Variants in GPBP1L1 observed in about 807,000 individuals in gnomAD.
The protein encoded by GPBP1L1 is GC-rich promoter binding protein 1 like 1, also known as vasculin-like protein 1.
In GPBP1L1, 23 loss-of-function variants were observed where a neutral mutation model predicts 52.5. The ratio of observed to expected loss-of-function variants is 0.44; its 90% CI spans 0.32 to 0.62. The LOEUF (loss-of-function observed/expected upper bound fraction) is 0.62, where lower values mean the gene tolerates loss of function less well. GPBP1L1 is among the 20% of genes least tolerant of loss of function. The pLI is 0.06. For synonymous variants in GPBP1L1, 243 were observed against 203.1 expected, an observed-to-expected ratio of 1.20 and a Z score of -1.67; for missense variants, 596 against 579.3, an observed-to-expected ratio of 1.03 and a Z score of -0.30.
intron 4 of GPBP1L1, chr1:45,656,176 A>T (rs1258461727): frequency 6.6e-6 from 1 of 152,230 alleles, no homozygotes; most frequent in Admixed American, 6.5e-5. Flanking sequence ...ACACATAATG[A>T]AAGAGGTCAG....
chr1:45,656,196 A>G (rs982695065), intron 4 of GPBP1L1: 7 of 152,240 alleles, frequency 4.6e-5, no homozygotes, highest in Admixed American at 1.3e-4. Flanking sequence ...GAGAGAAAAA[A>G]TAAGTCTTTG....
chr1:45,636,362 G>A (rs1285558934), intron 8 of GPBP1L1, among the ~76,000 whole-genome samples: 1 of 152,030 alleles, frequency 6.6e-6, no homozygotes, highest in African/African-American at 2.4e-5. Flanking sequence ...AATTTCATTA[G>A]AAAAAGCAAT....
chr1:45,678,917 A>T (rs1453962614), intron 2 of GPBP1L1, among the ~76,000 whole-genome samples: 1 of 152,226 alleles, frequency 6.6e-6, no homozygotes, highest in Non-Finnish European at 1.5e-5. Flanking sequence ...AGAAACCTAA[A>T]CATATGCACT....
At chr1:45,668,230 T>C (rs1463966186) in intron 2 of GPBP1L1, among the ~76,000 whole-genome samples, 1 of 152,170 alleles carries the variant, frequency 6.6e-6, no homozygotes, top group Admixed American at 6.5e-5. Flanking sequence ...TGCAGAGAAA[T>C]GGTTGATGAA....
chr1:45,658,985 C>G (rs1344782927), intron 4 of GPBP1L1, 43 bp downstream of exon 4: 3 of 1,344,010 alleles, frequency 2.2e-6, no homozygotes, highest in Non-Finnish European at 3.2e-6. Context: ...ACCCCCAAAC[C>G]CTCTCATATT....
rs796900170 is a variant in GPBP1L1, at chr1:45,643,687, T to TTG, written c.478-1189_478-1188insCA. On this transcript the variant is annotated intron_variant, in intron 6 of 12. Transcript: ENST00000355105. Reference sequence around the variant, plus strand: ...TTTTTTTTTTTTTTTTTTTTTTTTTTGTGACAGAGTGTCACTCTGTTGCCC... The same window carrying TTG: ...TTTTTTTTTTTTTTTTTTTTTTTTTTTGGTGACAGAGTGTCACTCTGTTGCCC... Among the ~76,000 whole-genome samples the TTG allele has an allele frequency of 2.1e-4, 25 of 116,820 alleles. 3 individuals are homozygous for TTG. The South Asian group carries it at 5.9e-3, about 27-fold the overall frequency. The allele number at this position is 116,820 out of a possible 152,430, so 76.6% of individuals were successfully genotyped here.
At chr1:45,649,763 C>T (rs1349496798) in intron 6 of GPBP1L1, among the ~76,000 whole-genome samples, 2 of 152,136 alleles carry the variant, frequency 1.3e-5, no homozygotes, top group African/African-American at 2.4e-5. Context: ...ACCTCCCTAA[C>T]TTCTTTGAAG....
At position 45,628,115 on chromosome 1, in the gene GPBP1L1, GCTCT is replaced by G; in HGVS notation, c.*137_*140del. 1 of 832,620 alleles carries G rather than the reference GCTCT, an allele frequency of 1.2e-6. No homozygotes were observed. The highest frequency in any genetic ancestry group is 1.9e-6 in the Non-Finnish European group (1 of 527,220). 51.6% of individuals were successfully genotyped at this position (832,620 alleles called of 1,614,324 possible). On this transcript the variant is annotated 3_prime_UTR_variant, in exon 13 of 13. Coordinates refer to ENST00000355105, the MANE Select transcript of GPBP1L1 (RefSeq NM_021639.5). Reference sequence around the variant, plus strand: ...ATAACAAAAGCAAAACAAGCCAATTGCTCTCTCTTTGGGATATGATTATTTCCCT... The same window carrying G: ...ATAACAAAAGCAAAACAAGCCAATTGCTCTTTGGGATATGATTATTTCCCT...
chr1:45,665,743 T>TAAAA (rs949281797), intron 2 of GPBP1L1, among the ~76,000 whole-genome samples: 2 of 109,710 alleles, frequency 1.8e-5, no homozygotes, highest in Non-Finnish European at 3.6e-5. Context: ...GACGCCGTCT[T>TAAAA]AAAAAAAAAA....
intron 2 of GPBP1L1, among the ~76,000 whole-genome samples, chr1:45,662,243 G>A (rs890934779): frequency 6.6e-6 from 1 of 152,136 alleles, no homozygotes; most frequent in African/African-American, 2.4e-5. Flanking sequence ...AATCCTCTCA[G>A]AGACCTCAGC....
At chr1:45,630,791 A>G (rs761756082) in intron 10 of GPBP1L1, 185 bp from the exon 11 acceptor site, 86 of 598,336 alleles carry the variant, frequency 1.4e-4, no homozygotes, top group Non-Finnish European at 2.3e-4. Context: ...CTAAAGTTTT[A>G]ATGAAAAGGC....
At chr1:45,645,766 T>G in intron 6 of GPBP1L1, 4 of 325,648 alleles carry the variant, frequency 1.2e-5, no homozygotes, top group South Asian at 7.2e-5. Flanking sequence ...CCGAAGTTTT[T>G]TGTTTTTTTT....
At chr1:45,654,497 C>A in intron 6 of GPBP1L1, 46 bp downstream of exon 6, 1 of 1,504,616 alleles carries the variant, frequency 6.6e-7, no homozygotes, top group Non-Finnish European at 9.0e-7. Flanking sequence ...ATATTTCAGA[C>A]ATTATTTGTT....
chr1:45,683,907 G>A (rs1337446763), intron 2 of GPBP1L1, among the ~76,000 whole-genome samples: 2 of 147,626 alleles, frequency 1.4e-5, no homozygotes, highest in Non-Finnish European at 3.0e-5. Context: ...GGGTGACAGA[G>A]TGAGACCCCG....
intron 2 of GPBP1L1, among the ~76,000 whole-genome samples, chr1:45,669,929 A>G (rs1645054692): frequency 6.6e-6 from 1 of 152,216 alleles, no homozygotes; most frequent in Non-Finnish European, 1.5e-5. Flanking sequence ...CTAGTTATCA[A>G]TCTATCTTTA....
chr1:45,631,920 C>T (rs1278437886), intron 10 of GPBP1L1, among the ~76,000 whole-genome samples: 1 of 152,080 alleles, frequency 6.6e-6, no homozygotes, highest in Non-Finnish European at 1.5e-5. Context: ...GAGACACTGT[C>T]TCAAAAACAA....
intron 6 of GPBP1L1, among the ~76,000 whole-genome samples, chr1:45,642,785 C>T (rs1644690797): frequency 6.6e-6 from 1 of 152,094 alleles, no homozygotes; most frequent in African/African-American, 2.4e-5. Flanking sequence ...TCCCACTTTC[C>T]TATAGGATAT....
In GPBP1L1 at chr1:45,634,216, G is replaced by A. The variant is rs1644566892; in HGVS notation, c.765C>T (p.Asn255=). Residue 255 remains asparagine (N), a synonymous_variant, in exon 9 of 13, where the codon AAC becomes AAT. Coordinates refer to ENST00000355105, the MANE Select transcript of GPBP1L1 (RefSeq NM_021639.5). ...PPSKPNAWKA[N]RMEHKSGSLS... is the part of the protein sequence containing the mutation. ...GGGATCCTGACTTGTGCTCCATCCT[G>A]TTAGCTTTCCATGCATTAGGCTACA... 2 of 1,613,028 alleles carry A rather than the reference G, an allele frequency of 1.2e-6. No individual in the cohort carries two copies. Among genetic ancestry groups the A allele is most frequent in the African/African-American group, 2.7e-5 (2 of 74,894 alleles).
intron 2 of GPBP1L1, among the ~76,000 whole-genome samples, chr1:45,662,236 C>A (rs552580254): frequency 1.3e-5 from 2 of 152,294 alleles, no homozygotes; most frequent in South Asian, 4.1e-4. Flanking sequence ...CTTAAGCAAT[C>A]CTCTCAGAGA....
Sources: gnomAD v4.1 joint callset for allele counts (sites outside exome capture counted in the v4.1 genomes callset) on GRCh38, gnomAD v4.1.1 for gene constraint, MANE v1.5 for transcripts, NCBI Gene and HGNC (gene_info 2026-07-23, HGNC 2026-07-21) for gene names.